Variants in PPARGC1A observed in about 807,000 individuals in gnomAD.
PPARGC1A encodes the protein peroxisome proliferator-activated receptor gamma coactivator 1-alpha.
A neutral mutation model predicts 88.7 loss-of-function variants in PPARGC1A; 25 were observed. That is an observed-to-expected ratio of 0.28 (90% confidence interval 0.21 to 0.39). The LOEUF (loss-of-function observed/expected upper bound fraction) is 0.39. Among genes scored for constraint, PPARGC1A ranks in the 10% least tolerant of loss-of-function variants. PPARGC1A has a pLI of 1.00. For missense variants in PPARGC1A, 880 were observed against 968.7 expected (o/e 0.91, Z 1.22); for synonymous variants, 363 against 355.6 (o/e 1.02, Z -0.24).
At chr4:24,210,709 G>T in the PPARGC1A span, among the ~76,000 whole-genome samples, 2 of 152,220 alleles carry the variant, frequency 1.3e-5, no homozygotes, top group Admixed American at 1.3e-4. Context: ...CTTATGGTCT[G>T]GGATTCATGC....
At chr4:24,379,927 C>T in the PPARGC1A span, among the ~76,000 whole-genome samples, 2 of 151,778 alleles carry the variant, frequency 1.3e-5, no homozygotes, top group East Asian at 1.9e-4. Flanking sequence ...TACAGACGCG[C>T]CCCACCACAC....
At chr4:24,085,238 A>G in the PPARGC1A span, among the ~76,000 whole-genome samples, 95 of 152,328 alleles carry the variant, frequency 6.2e-4, no homozygotes, top group African/African-American at 2.0e-3. Flanking sequence ...TAGAGAGTAC[A>G]CAAATCTATA....
the PPARGC1A span, among the ~76,000 whole-genome samples, chr4:24,253,238 A>C: frequency 6.7e-6 from 1 of 150,282 alleles, no homozygotes; most frequent in African/African-American, 2.4e-5. Flanking sequence ...CTTGAAAAAC[A>C]AATTTAAGCA....
At chr4:24,030,709 C>T in the PPARGC1A span, among the ~76,000 whole-genome samples, 3 of 152,142 alleles carry the variant, frequency 2.0e-5, 1 homozygote, top group East Asian at 1.9e-4. Flanking sequence ...CACACACCCT[C>T]GTGAGACCTC....
intron 10 of PPARGC1A, among the ~76,000 whole-genome samples, chr4:23,802,880 C>T (rs941590899): frequency 6.6e-6 from 1 of 152,074 alleles, no homozygotes; most frequent in Non-Finnish European, 1.5e-5. Context: ...CTCTTCACCT[C>T]TACTCTTTTC....
At chr4:24,459,376 C>T in the PPARGC1A span, among the ~76,000 whole-genome samples, 5 of 150,854 alleles carry the variant, frequency 3.3e-5, no homozygotes, top group Admixed American at 2.6e-4. Context: ...TTTCTCTGGT[C>T]ACATGATTAA....
the PPARGC1A span, among the ~76,000 whole-genome samples, chr4:24,002,097 CAGAG>C: frequency 0.012 from 1,494 of 125,290 alleles, 19 homozygotes; most frequent in African/African-American, 0.038. Flanking sequence ...CACACACACA[CAGAG>C]AGAGAGAGAG....
chr4:24,361,724 G>A, the PPARGC1A span, among the ~76,000 whole-genome samples: 1 of 152,160 alleles, frequency 6.6e-6, no homozygotes, highest in Non-Finnish European at 1.5e-5. Context: ...TTATATTCAG[G>A]ACCTTAACAC....
the PPARGC1A span, among the ~76,000 whole-genome samples, chr4:24,350,655 A>AC: frequency 6.6e-6 from 1 of 152,344 alleles, no homozygotes; most frequent in Non-Finnish European, 1.5e-5. Flanking sequence ...TGTGCAATTT[A>AC]CCAGTCACAC....
the PPARGC1A span, among the ~76,000 whole-genome samples, chr4:24,109,155 AAC>A: frequency 6.6e-6 from 1 of 151,804 alleles, no homozygotes; most frequent in Non-Finnish European, 1.5e-5. Flanking sequence ...GGAAAATTGA[AAC>A]TTATTGGTAA....
the PPARGC1A span, among the ~76,000 whole-genome samples, chr4:24,082,618 A>G: frequency 6.6e-6 from 1 of 152,106 alleles, no homozygotes; most frequent in Non-Finnish European, 1.5e-5. Flanking sequence ...ACTTCTTTTG[A>G]CATTTTTTTT....
chr4:24,066,302 T>C, the PPARGC1A span, among the ~76,000 whole-genome samples: 1 of 152,220 alleles, frequency 6.6e-6, no homozygotes, highest in East Asian at 1.9e-4. Context: ...AGTCATTTGT[T>C]TTCTGTGATG....
the PPARGC1A span, among the ~76,000 whole-genome samples, chr4:24,454,237 C>CTTAG: frequency 1.3e-5 from 2 of 151,316 alleles, no homozygotes; most frequent in South Asian, 4.2e-4. Context: ...CCCAGCTGAC[C>CTTAG]TTAGCCCATA....
At chr4:24,435,218 A>G in the PPARGC1A span, among the ~76,000 whole-genome samples, 18 of 152,164 alleles carry the variant, frequency 1.2e-4, no homozygotes, top group Admixed American at 1.2e-3. Flanking sequence ...CTCAGGTAGT[A>G]TTAGAAGGAC....
chr4:23,792,202 A>G lies in PPARGC1A; in HGVS notation c.*3620T>C, dbSNP rs1022052988. The G allele has an allele frequency of 6.5e-6, 1 of 152,742 alleles. No homozygotes were observed. The highest frequency in any genetic ancestry group is 1.5e-5 in the Non-Finnish European group (1 of 68,014). 9.5% of individuals were successfully genotyped at this position (152,742 alleles called of 1,614,324 possible). On this transcript the variant is annotated 3_prime_UTR_variant, in exon 13 of 13. Transcript: ENST00000264867. ...ATCGCTCACTTTCCCTCTTCAGCAT[A>G]GTTCAACCAACAGTATTACACTTTC...
chr4:23,833,935 C>A (rs1197726034), intron 2 of PPARGC1A, among the ~76,000 whole-genome samples: 2 of 152,178 alleles, frequency 1.3e-5, no homozygotes, highest in African/African-American at 4.8e-5. Context: ...GAGGCCAAGG[C>A]AGGAAGATCA....
the PPARGC1A span, among the ~76,000 whole-genome samples, chr4:24,471,978 A>G: frequency 6.6e-6 from 1 of 152,172 alleles, no homozygotes; most frequent in African/African-American, 2.4e-5. The surrounding 1 kb of genome is among the most constrained non-coding windows in gnomAD (Gnocchi z 5.4). Context: ...CGCAACTGGA[A>G]GGCGGGTAGG....
chr4:23,822,725 T>C (rs929250109), intron 7 of PPARGC1A, among the ~76,000 whole-genome samples: 2 of 152,098 alleles, frequency 1.3e-5, no homozygotes, highest in African/African-American at 4.8e-5. Flanking sequence ...CAAATCTCCC[T>C]CAATCTCCTC....
the PPARGC1A span, among the ~76,000 whole-genome samples, chr4:24,114,334 A>G: frequency 6.6e-6 from 1 of 152,190 alleles, no homozygotes; most frequent in Non-Finnish European, 1.5e-5. Flanking sequence ...ACAGATGACA[A>G]TGATCAGCTA....
Sources: allele counts gnomAD v4.1 joint callset (sites outside exome capture counted in the v4.1 genomes callset), GRCh38; gene constraint gnomAD v4.1.1; non-coding constraint Gnocchi (gnomAD v3.1); transcripts MANE v1.5; gene names NCBI Gene and HGNC (gene_info 2026-07-23, HGNC 2026-07-21).